The following GPC5 variants were observed in gnomAD, a reference collection of about 807,000 sequenced individuals.
The protein encoded by GPC5 is glypican 5, also known as glypican-5.
GPC5 carries 47 observed loss-of-function variants against 53.9 expected under a neutral mutation model. That is an observed-to-expected ratio of 0.87 (90% CI 0.69 to 1.11). The LOEUF is 1.11. Among genes scored for constraint, GPC5 ranks in the 50% most tolerant of loss-of-function variants. The pLI is 0.00. For synonymous variants in GPC5, 286 were observed against 263.3 expected, an observed-to-expected ratio of 1.09 and a Z score of -0.84; for missense variants, 748 against 713.1, an observed-to-expected ratio of 1.05 and a Z score of -0.56.
intron 3 of GPC5, among the ~76,000 whole-genome samples, chr13:91,708,933 T>TA (rs999379011): frequency 1.3e-5 from 2 of 152,068 alleles, no homozygotes; most frequent in Non-Finnish European, 2.9e-5. Context: ...GTCCTTCAGA[T>TA]AAAAAAAAGT....
At chr13:92,301,552 T>C (rs16947290) in intron 7 of GPC5, among the ~76,000 whole-genome samples, 19,297 of 152,124 alleles carry the variant, frequency 0.13, 1,607 homozygotes, top group South Asian at 0.31. Context: ...ACTTCTAAAG[T>C]GAGCATAATT....
chr13:92,280,011 T>G (rs1330468828), intron 7 of GPC5, among the ~76,000 whole-genome samples: 1 of 152,154 alleles, frequency 6.6e-6, no homozygotes, highest in Non-Finnish European at 1.5e-5. Context: ...TTTGATAGAA[T>G]TCACCAGAGA....
intron 7 of GPC5, among the ~76,000 whole-genome samples, chr13:92,760,554 C>CT: frequency 6.6e-6 from 1 of 151,576 alleles, no homozygotes. Context: ...ATATTTAAGA[C>CT]TTGTTTTTTT....
chr13:92,414,048 CTCAT>C (rs1260874721), intron 7 of GPC5, among the ~76,000 whole-genome samples: 1 of 152,030 alleles, frequency 6.6e-6, no homozygotes, highest in East Asian at 1.9e-4. Flanking sequence ...TGGAGGGTTA[CTCAT>C]TCATTAATTC....
intron 7 of GPC5, among the ~76,000 whole-genome samples, chr13:92,703,097 A>G (rs1488512598): frequency 1.4e-5 from 2 of 147,954 alleles, no homozygotes; most frequent in Non-Finnish European, 3.0e-5. Context: ...TTTTAGTAGC[A>G]CTTACCACCT....
intron 6 of GPC5, among the ~76,000 whole-genome samples, chr13:91,918,302 TA>T (rs1403061980): frequency 6.6e-6 from 1 of 152,146 alleles, no homozygotes; most frequent in African/African-American, 2.4e-5. Flanking sequence ...ATAGAGATTA[TA>T]ATTCAAGATG....
At chr13:92,582,833 GA>G (rs1883413356) in intron 7 of GPC5, among the ~76,000 whole-genome samples, 1 of 151,604 alleles carries the variant, frequency 6.6e-6, no homozygotes, top group African/African-American at 2.4e-5. Context: ...TTTGTATGTT[GA>G]TTTTTTTATC....
At chr13:92,206,743 G>A (rs2042340759) in intron 7 of GPC5, among the ~76,000 whole-genome samples, 1 of 152,004 alleles carries the variant, frequency 6.6e-6, no homozygotes, top group Non-Finnish European at 1.5e-5. Flanking sequence ...TATGGCAGAT[G>A]GAATCTGAAA....
intron 7 of GPC5, chr13:92,490,135 G>A (rs1023646127): frequency 1.3e-5 from 2 of 154,330 alleles, no homozygotes; most frequent in Admixed American, 6.6e-5. Flanking sequence ...AATTGTTCTC[G>A]GTTCTTTGTG....
intron 7 of GPC5, among the ~76,000 whole-genome samples, chr13:92,493,485 C>A (rs538977207): frequency 6.6e-6 from 1 of 151,822 alleles, no homozygotes; most frequent in African/African-American, 2.4e-5. Flanking sequence ...GTAGTGAGAA[C>A]GATAATATTT....
At chr13:92,286,906 G>GA (rs1343804405) in intron 7 of GPC5, among the ~76,000 whole-genome samples, 1 of 151,834 alleles carries the variant, frequency 6.6e-6, no homozygotes, top group African/African-American at 2.4e-5. Context: ...TAGTAAAAAA[G>GA]AAAAAAATAT....
chr13:92,058,746 G>A lies in GPC5; in HGVS notation c.1402-86084G>A, dbSNP rs555315332. Among the ~76,000 whole-genome samples the A allele has an allele frequency of 1.6e-4, 24 of 152,112 alleles. No homozygotes were observed. The South Asian group carries it at 2.3e-3, about 14-fold the overall frequency. On this transcript the variant is annotated intron_variant, in intron 6 of 7. Transcript: ENST00000377067. ...TTTAGTAGAGATGGGGTTTTGCCAGGTTGCCCAAGCTGGTCTTGAGCTCCT... is the reference window on the plus strand; with the variant it reads ...TTTAGTAGAGATGGGGTTTTGCCAGATTGCCCAAGCTGGTCTTGAGCTCCT...
chr13:92,108,521 T>C (rs2041527739), intron 6 of GPC5, among the ~76,000 whole-genome samples: 1 of 152,196 alleles, frequency 6.6e-6, no homozygotes, highest in African/African-American at 2.4e-5. Flanking sequence ...TTCCATGCAA[T>C]GAAGAACTTA....
intron 7 of GPC5, among the ~76,000 whole-genome samples, chr13:92,822,925 C>T (rs1045806577): frequency 2.0e-5 from 3 of 151,522 alleles, no homozygotes; most frequent in Non-Finnish European, 4.4e-5. Flanking sequence ...AAAAGCATTA[C>T]TTGAAGGGAA....
chr13:91,936,223 G>T (rs1279358872), intron 6 of GPC5, among the ~76,000 whole-genome samples: 3 of 152,004 alleles, frequency 2.0e-5, no homozygotes, highest in African/African-American at 7.2e-5. Context: ...CACAAGCTTT[G>T]CACTGAAGAG....
At chr13:91,466,454 C>T (rs1882245915) in intron 2 of GPC5, among the ~76,000 whole-genome samples, 1 of 152,088 alleles carries the variant, frequency 6.6e-6, no homozygotes, top group African/African-American at 2.4e-5. Flanking sequence ...GTTTCAACTG[C>T]TGTTCTCAAG....
intron 7 of GPC5, among the ~76,000 whole-genome samples, chr13:92,269,445 G>C (rs538896312): frequency 1.3e-5 from 2 of 150,930 alleles, no homozygotes; most frequent in African/African-American, 4.9e-5. Context: ...TCGCTCTGTC[G>C]TCCAGGCTGG....
intron 7 of GPC5, among the ~76,000 whole-genome samples, chr13:92,149,864 G>T (rs1345979153): frequency 7.9e-5 from 12 of 151,904 alleles, no homozygotes. Context: ...AAAATGTTAT[G>T]TAGTCTCATT....
intron 7 of GPC5, among the ~76,000 whole-genome samples, chr13:92,598,210 CTCAAGGAGCT>C (rs1566312069): frequency 6.6e-6 from 1 of 152,100 alleles, no homozygotes; most frequent in Non-Finnish European, 1.5e-5. Context: ...CCTCAGTAGC[CTCAAGGAGCT>C]GTATTTATAA....
Sources: allele counts gnomAD v4.1 joint callset (sites outside exome capture counted in the v4.1 genomes callset), GRCh38; gene constraint gnomAD v4.1.1; transcripts MANE v1.5; gene names NCBI Gene and HGNC (gene_info 2026-07-23, HGNC 2026-07-21).